The following TMIGD3 variants were observed in gnomAD, a reference collection of about 807,000 sequenced individuals.
TMIGD3 encodes AD026 protein (AD026).
Under a neutral mutation model 28.1 loss-of-function variants are expected in TMIGD3, and 21 were observed. The ratio of observed to expected loss-of-function variants is 0.75; its 90% CI spans 0.53 to 1.08. The LOEUF is 1.08. Ranked by LOEUF, TMIGD3 falls within the 50% of genes least tolerant of loss-of-function variation. The pLI is 0.00. For missense variants in TMIGD3, 416 were observed against 435.6 expected (o/e 0.96, Z 0.40); for synonymous variants, 151 against 162.1 (o/e 0.93, Z 0.52).
intron 1 of TMIGD3, among the ~76,000 whole-genome samples, chr1:111,535,321 C>T (rs1656602606): frequency 6.6e-6 from 1 of 152,162 alleles, no homozygotes; most frequent in Non-Finnish European, 1.5e-5. Flanking sequence ...AAAAATATCA[C>T]ACAGACGCTT....
chr1:111,485,982 A>T, intron 4 of TMIGD3, 142 bp from the exon 5 acceptor site: 1 of 627,520 alleles, frequency 1.6e-6, no homozygotes, highest in Non-Finnish European at 2.8e-6. Context: ...GTATTCCTTT[A>T]GAGTGACCCT....
chr1:111,560,175 A>G (rs908192080), intron 1 of TMIGD3, among the ~76,000 whole-genome samples: 15 of 152,170 alleles, frequency 9.9e-5, no homozygotes, highest in Admixed American at 9.8e-4. Flanking sequence ...ACTTATCTAA[A>G]CACATGAGAT....
At chr1:111,544,499 T>C (rs539525393) in intron 1 of TMIGD3, among the ~76,000 whole-genome samples, 76 of 152,354 alleles carry the variant, frequency 5.0e-4, no homozygotes, top group South Asian at 8.3e-4. Flanking sequence ...GCATAATGTT[T>C]TGAAGGTTCA....
chr1:111,560,736 C>G (rs767538750), intron 1 of TMIGD3, among the ~76,000 whole-genome samples: 9 of 152,144 alleles, frequency 5.9e-5, no homozygotes, highest in Non-Finnish European at 8.8e-5. Flanking sequence ...AAGTAATGCT[C>G]CAGCCGCAGC....
intron 1 of TMIGD3, among the ~76,000 whole-genome samples, chr1:111,497,454 CCCTTCT>C (rs1654944007): frequency 2.0e-5 from 3 of 152,168 alleles, no homozygotes; most frequent in Non-Finnish European, 2.9e-5. Flanking sequence ...TGGATCTTGT[CCCTTCT>C]AACCAAGCTC....
chr1:111,499,774 T>A, intron 1 of TMIGD3: 1 of 1,432,328 alleles, frequency 7.0e-7, no homozygotes, highest in Non-Finnish European at 9.1e-7. Flanking sequence ...AAAAATGAAG[T>A]GGAGGAAGAG....
Position 111,520,901 on chromosome 1 carries a change from C to G in TMIGD3, c.108-30139G>C, listed in dbSNP as rs139924483. On this transcript the variant is annotated intron_variant, in intron 1 of 5. Transcript: ENST00000369717. ...TTTAAAGTGCACGCTTTGACTTATA[C>G]AAGTTTTGGCATATGTATACACCTG... 4.0e-3 allele frequency among the ~76,000 whole-genome samples: 607 copies of G among 152,252 alleles called. 5 individuals are homozygous for G. The highest frequency in any genetic ancestry group is 0.011 in the African/African-American group (452 of 41,526).
chr1:111,521,213 C>T (rs1224978589), intron 1 of TMIGD3, among the ~76,000 whole-genome samples: 1 of 152,028 alleles, frequency 6.6e-6, no homozygotes, highest in Non-Finnish European at 1.5e-5. Flanking sequence ...GGATTGTTTC[C>T]AGTTTGGGAC....
At chr1:111,539,351 G>A (rs999755165) in intron 1 of TMIGD3, among the ~76,000 whole-genome samples, 3 of 152,150 alleles carry the variant, frequency 2.0e-5, no homozygotes, top group African/African-American at 7.2e-5. Context: ...AGGCTGGAGT[G>A]CAGTGGTGTG....
At chr1:111,490,847 A>T in intron 1 of TMIGD3, 85 bp from the exon 2 acceptor site, 1 of 899,144 alleles carries the variant, frequency 1.1e-6, no homozygotes, top group Non-Finnish European at 1.8e-6. Flanking sequence ...ACAACCAGTT[A>T]GTCCAAGCAG....
intron 1 of TMIGD3, among the ~76,000 whole-genome samples, chr1:111,555,362 TAAAAAAAAAA>T (rs397981230): frequency 6.1e-4 from 29 of 47,640 alleles, no homozygotes; most frequent in Middle Eastern, 0.024. Context: ...TGAGACTCTG[TAAAAAAAAAA>T]AAAAAAAAAA....
chr1:111,511,221 G>A (rs12042310), intron 1 of TMIGD3, among the ~76,000 whole-genome samples: 16,656 of 152,088 alleles, frequency 0.11, 958 homozygotes, highest in East Asian at 0.22. Flanking sequence ...TGCTTCTCCC[G>A]CTAGCTGGTA....
At chr1:111,552,333 G>A (rs1010457040) in intron 1 of TMIGD3, among the ~76,000 whole-genome samples, 1 of 152,114 alleles carries the variant, frequency 6.6e-6, no homozygotes, top group Non-Finnish European at 1.5e-5. Flanking sequence ...AGCTAGAGAT[G>A]GAACGAAGGC....
chr1:111,495,641 T>C (rs1654855398), intron 1 of TMIGD3, among the ~76,000 whole-genome samples: 1 of 152,158 alleles, frequency 6.6e-6, no homozygotes, highest in African/African-American at 2.4e-5. Flanking sequence ...AACAGAACTA[T>C]CATTCAACCC....
intron 1 of TMIGD3, chr1:111,499,842 G>A (rs1655070656): frequency 7.8e-6 from 12 of 1,530,682 alleles, no homozygotes; most frequent in Admixed American, 4.2e-5. Context: ...CACCTCAGTG[G>A]AAGTAATCAA....
At chr1:111,510,766 A>G (rs1325033814) in intron 1 of TMIGD3, among the ~76,000 whole-genome samples, 1 of 152,172 alleles carries the variant, frequency 6.6e-6, no homozygotes, top group Non-Finnish European at 1.5e-5. Flanking sequence ...GTTTATTTTC[A>G]GGCATATTGC....
Position 111,502,270 on chromosome 1 carries a change from ATATATT to A in TMIGD3, c.350+729_350+734del, listed in dbSNP as rs1367109604. On this transcript the variant is annotated intron_variant, in intron 1 of 5. Transcript: ENST00000369716. The stretch of plus-strand genomic sequence containing the variant: ...ATTTATTATAATAAATATATAGGAT[ATATATT>A]CATTATAATAAATATATAGGATATA... Among the ~76,000 whole-genome samples the A allele has an allele frequency of 1.2e-4, 11 of 95,170 alleles. 1 individual carries two copies. The highest frequency in any genetic ancestry group is 4.7e-4 in the African/African-American group (11 of 23,494). The allele number at this position is 95,170 out of a possible 152,430, so 62.4% of individuals were successfully genotyped here. A position where few individuals can be genotyped will look rare whatever the true frequency, so the allele number is the denominator to read the frequency against.
intron 1 of TMIGD3, among the ~76,000 whole-genome samples, chr1:111,526,376 A>G (rs1656261696): frequency 6.6e-6 from 1 of 152,108 alleles, no homozygotes. Flanking sequence ...TGGTTTTGTA[A>G]GGGGCTTCCT....
intron 1 of TMIGD3, among the ~76,000 whole-genome samples, chr1:111,524,388 TA>T (rs941598862): frequency 2.6e-5 from 4 of 151,998 alleles, no homozygotes; most frequent in African/African-American, 9.7e-5. Flanking sequence ...TCTTATTCTT[TA>T]AAAAAAATTT....
Sources: allele counts gnomAD v4.1 joint callset (sites outside exome capture counted in the v4.1 genomes callset), GRCh38; gene constraint gnomAD v4.1.1; transcripts MANE v1.5; gene names NCBI Gene and HGNC (gene_info 2026-07-23, HGNC 2026-07-21).